Variants in IL15RA observed in about 807,000 individuals in gnomAD.
IL15RA encodes interleukin-15 receptor subunit alpha.
IL15RA carries 26 observed loss-of-function variants against 24.2 expected under a neutral mutation model. The observed-to-expected ratio is 1.07, with a 90% CI of 0.79 to 1.49. IL15RA has a LOEUF of 1.49. Ranked by LOEUF, IL15RA falls within the 40% of genes most tolerant of loss-of-function variation. IL15RA has a pLI of 0.00. For synonymous variants in IL15RA, 166 were observed against 157.6 expected (o/e 1.05, Z -0.40); for missense variants, 354 against 356.4 (o/e 0.99, Z 0.05).
chr10:5,955,536 T>C lies in IL15RA; in HGVS notation c.692+843A>G, dbSNP rs1453349955. Among the ~76,000 whole-genome samples, 2 of 152,112 alleles carry C rather than the reference T, an allele frequency of 1.3e-5. No homozygotes were observed. Among genetic ancestry groups the C allele is most frequent in the Non-Finnish European group, 2.9e-5 (2 of 68,024 alleles). On this transcript the variant is annotated intron_variant, in intron 6 of 6. Transcript: ENST00000379977. This position sits in a 1 kb window ranked among gnomAD's most constrained non-coding sequence, Gnocchi z 5.3. ...TGCTGGAATACTGGTTACTAATTGA[T>C]AGAAGTACAAAATGAAGGCTAGAAT...
rs1467354854 is a variant in IL15RA, at chr10:5,959,324, G to A, written c.616+430C>T. Among the ~76,000 whole-genome samples, 2 of 152,034 alleles carry A rather than the reference G, an allele frequency of 1.3e-5. No individual in the cohort carries two copies. The highest frequency in any genetic ancestry group is 2.4e-5 in the African/African-American group (1 of 41,398). On this transcript the variant is annotated intron_variant, in intron 5 of 6. Transcript: ENST00000379977. The surrounding 1 kb of genome is among the most constrained non-coding windows in gnomAD (Gnocchi z 4.1). Reference sequence around the variant, plus strand: ...CTGGCCAAGAGTAGCATTTTATACCGAAAATGTGGACAGCTTCTCTGTTAA... The same window carrying A: ...CTGGCCAAGAGTAGCATTTTATACCAAAAATGTGGACAGCTTCTCTGTTAA...
chr10:5,970,347 C>G lies in IL15RA; in HGVS notation c.89-4008G>C, dbSNP rs925869435. ...GTTTTGCTTTGACATATGTTATACC[C>G]CATGACACATTGTTATTATTTTGCT... On this transcript the variant is annotated intron_variant, in intron 1 of 6. Coordinates refer to ENST00000379977, the MANE Select transcript of IL15RA (RefSeq NM_002189.4). This position sits in a 1 kb window ranked among gnomAD's most constrained non-coding sequence, Gnocchi z 4.1. 6.6e-6 allele frequency among the ~76,000 whole-genome samples: 1 copy of G among 152,194 alleles called. No homozygotes were observed. The highest frequency in any genetic ancestry group is 6.5e-5 in the Admixed American group (1 of 15,274).
At chr10:5,954,746 A>G (rs1303764875) in intron 6 of IL15RA, among the ~76,000 whole-genome samples, 1 of 152,250 alleles carries the variant, frequency 6.6e-6, no homozygotes, top group African/African-American at 2.4e-5. Context: ...AAATATATTC[A>G]GTGAATATAT....
At position 5,953,323 on chromosome 10, in the gene IL15RA, G is replaced by A. The variant is rs1245581967; in HGVS notation, c.693-117C>T. 1 of 776,708 alleles carries A rather than the reference G, an allele frequency of 1.3e-6. No individual in the cohort carries two copies. The highest frequency in any genetic ancestry group is 1.7e-5 in the African/African-American group (1 of 58,724). 48.1% of individuals were successfully genotyped at this position (776,708 alleles called of 1,614,324 possible). ...TGCGGGGATGGCAGGAGCAGACAGA[G>A]GCCCTGCCACGGGAGTCAGACAGAG... On this transcript the variant is annotated intron_variant, in intron 6 of 6. Coordinates refer to ENST00000379977, the MANE Select transcript of IL15RA (RefSeq NM_002189.4). The surrounding 1 kb of genome is among the most constrained non-coding windows in gnomAD (Gnocchi z 5.3).
chr10:5,948,990 T>C (rs925944887), downstream of IL15RA: 2 of 315,872 alleles, frequency 6.3e-6, no homozygotes, highest in Admixed American at 7.7e-5. Context: ...GACAAGGAAG[T>C]ATAAATGCAT....
Position 5,963,702 on chromosome 10 carries a change from G to T in IL15RA, c.382+41C>A, listed in dbSNP as rs557382162. The T allele has an allele frequency of 3.6e-5, 48 of 1,323,298 alleles. 1 individual carries two copies. The South Asian group carries it at 6.4e-4, about 18-fold the overall frequency. The allele number at this position is 1,323,298 out of a possible 1,614,324, so 82.0% of individuals were successfully genotyped here. A position where few individuals can be genotyped will look rare whatever the true frequency, so the allele number is the denominator to read the frequency against. ...TTGGTGAGCGGGCCTCTGGGTGTTGGGAGGGAATGAATGTCCTCGAGAAGT... is the reference window on the plus strand; with the variant it reads ...TTGGTGAGCGGGCCTCTGGGTGTTGTGAGGGAATGAATGTCCTCGAGAAGT... On this transcript the variant is annotated intron_variant, in intron 3 of 6. Transcript: ENST00000379977. The surrounding 1 kb of genome is among the most constrained non-coding windows in gnomAD (Gnocchi z 5.3).
intron 1 of IL15RA, chr10:5,976,972 T>G: frequency 6.3e-6 from 1 of 158,188 alleles, no homozygotes; most frequent in Non-Finnish European, 1.4e-5. Flanking sequence ...TCGGGAGGAG[T>G]AGTTTCTCCC....
intron 1 of IL15RA, among the ~76,000 whole-genome samples, chr10:5,969,213 G>GT (rs1017288386): frequency 7.0e-4 from 105 of 150,028 alleles, no homozygotes; most frequent in Middle Eastern, 3.4e-3. Context: ...ATCCTTTACT[G>GT]TTTTTTTGTT....
rs1836278058 is a variant in IL15RA at position 5,965,068 on chromosome 10, C to A, written c.283+1077G>T. ...GCTGCAGAGGGCGTGAGCTATGGGGCCGCTCCATGCAGGGGCGCGCTCATC... is the reference window on the plus strand; with the variant it reads ...GCTGCAGAGGGCGTGAGCTATGGGGACGCTCCATGCAGGGGCGCGCTCATC... On this transcript the variant is annotated intron_variant, in intron 2 of 6. Coordinates refer to ENST00000379977, the MANE Select transcript of IL15RA (RefSeq NM_002189.4). The surrounding 1 kb of genome is among the most constrained non-coding windows in gnomAD (Gnocchi z 5.8). 6.6e-6 allele frequency among the ~76,000 whole-genome samples: 1 copy of A among 152,202 alleles called. No individual in the cohort carries two copies. Among genetic ancestry groups the A allele is most frequent in the Non-Finnish European group, 1.5e-5 (1 of 68,030 alleles).
rs764671610 is a variant in IL15RA, at chr10:5,966,217, T to C, written c.211A>G (p.Ser71Gly). 6.2e-7 allele frequency: 1 copy of C among 1,614,178 alleles called. No homozygotes were observed. The highest frequency in any genetic ancestry group is 8.5e-7 in the Non-Finnish European group (1 of 1,179,998). The change falls in exon 2 of 7, where the codon AGC becomes GGC. Residue 71 changes from serine (S) to glycine (G), a missense_variant. Coordinates refer to ENST00000379977, the MANE Select transcript of IL15RA (RefSeq NM_002189.4). This position sits in a 1 kb window ranked among gnomAD's most constrained non-coding sequence, Gnocchi z 6.4. ...TTGTTCAACACGCACTCCGTCAGGCTGGACGTGCCGGCTTTACGCTTGAAA... is the reference window on the plus strand; with the variant it reads ...TTGTTCAACACGCACTCCGTCAGGCCGGACGTGCCGGCTTTACGCTTGAAA... Reference protein sequence around the residue: ...SGFKRKAGTSSLTECVLNKAT... With the variant: ...SGFKRKAGTSGLTECVLNKAT...
rs145057728 is a variant in IL15RA at position 5,968,220 on chromosome 10, G to A, written c.89-1881C>T. Among the ~76,000 whole-genome samples the A allele has an allele frequency of 5.6e-3, 855 of 152,236 alleles. 4 individuals carry two copies. The highest frequency in any genetic ancestry group is 0.02 in the African/African-American group (831 of 41,536). Reference sequence around the variant, plus strand: ...TAACTGGGCAAAGGACACAGTGGGTGAGTCACAAGAGAGCCATCACCTAAG... The same window carrying A: ...TAACTGGGCAAAGGACACAGTGGGTAAGTCACAAGAGAGCCATCACCTAAG... On this transcript the variant is annotated intron_variant, in intron 1 of 6. Transcript: ENST00000379977. The surrounding 1 kb of genome is among the most constrained non-coding windows in gnomAD (Gnocchi z 5.4).
Position 5,965,015 on chromosome 10 carries a change from C to T in IL15RA, c.283+1130G>A, listed in dbSNP as rs145681914. Among the ~76,000 whole-genome samples the T allele has an allele frequency of 8.5e-5, 13 of 152,298 alleles. No homozygotes were observed. The East Asian group carries it at 2.1e-3, about 25-fold the overall frequency. On this transcript the variant is annotated intron_variant, in intron 2 of 6. Transcript: ENST00000379977. This position sits in a 1 kb window ranked among gnomAD's most constrained non-coding sequence, Gnocchi z 5.8. ...CTACCAAGCCAGTGGCAATGTCCAG[C>T]GCCTCAAGGAGCTCCCCTCTGTCCC...
At chr10:5,951,033 C>T (rs547690533), downstream of IL15RA, among the ~76,000 whole-genome samples, 8 of 147,244 alleles carry the variant, frequency 5.4e-5, no homozygotes, top group African/African-American at 7.5e-5. Flanking sequence ...CCCAGCTACT[C>T]GGGAAGGCTG....
In IL15RA at chr10:5,963,639, T is replaced by A. The variant is rs185645379; in HGVS notation, c.382+104A>T. The A allele has an allele frequency of 4.9e-5, 29 of 594,442 alleles. No individual in the cohort carries two copies. The Admixed American group carries it at 6.2e-4, about 13-fold the overall frequency. The allele number at this position is 594,442 out of a possible 1,614,324, so 36.8% of individuals were successfully genotyped here. A position where few individuals can be genotyped will look rare whatever the true frequency, so the allele number is the denominator to read the frequency against. Reference sequence around the variant, plus strand: ...AGACGTTTGCGCTATTGCCTAAGTCTGCAGTGGCACACCACAGAGGTCCGT... The same window carrying A: ...AGACGTTTGCGCTATTGCCTAAGTCAGCAGTGGCACACCACAGAGGTCCGT... On this transcript the variant is annotated intron_variant, in intron 3 of 6. Coordinates refer to ENST00000379977, the MANE Select transcript of IL15RA (RefSeq NM_002189.4). This position sits in a 1 kb window ranked among gnomAD's most constrained non-coding sequence, Gnocchi z 5.3.
rs780177636 is a variant in IL15RA at position 5,956,420 on chromosome 10, C to T, written c.651G>A (p.Gly217=). The T allele has an allele frequency of 6.5e-5, 105 of 1,613,932 alleles. No homozygotes were observed. The highest frequency in any genetic ancestry group is 6.2e-5 in the Non-Finnish European group (73 of 1,179,960). Reference sequence around the variant, plus strand: ...ATGCCAGGAGAGACACAGCGCTCAGCCCACACAGCAGGACAGTGGACGTGG... The same window carrying T: ...ATGCCAGGAGAGACACAGCGCTCAGTCCACACAGCAGGACAGTGGACGTGG... ...AISTSTVLLC[G]LSAVSLLACY... Residue 217 remains glycine, a synonymous_variant, in exon 6 of 7, where the codon GGG becomes GGA. Coordinates refer to ENST00000379977, the MANE Select transcript of IL15RA (RefSeq NM_002189.4).
At position 5,965,965 on chromosome 10, in the gene IL15RA, C is replaced by T. The variant is rs8177778; in HGVS notation, c.283+180G>A. Among the ~76,000 whole-genome samples, 4,880 of 152,240 alleles carry T rather than the reference C, an allele frequency of 0.032. 105 individuals are homozygous for T. Among genetic ancestry groups the T allele is most frequent in the Middle Eastern group, 0.058 (17 of 294 alleles). On this transcript the variant is annotated intron_variant, in intron 2 of 6. Coordinates refer to ENST00000379977, the MANE Select transcript of IL15RA (RefSeq NM_002189.4). The surrounding 1 kb of genome is among the most constrained non-coding windows in gnomAD (Gnocchi z 5.8). ...GGAACTCCTGACTTCAAGTGATCCT[C>T]CCGCCTCGGCCTCCCAAAGTGCTGG...
Position 5,961,818 on chromosome 10 carries a change from C to T in IL15RA, c.383-1251G>A, listed in dbSNP as rs1308411462. On this transcript the variant is annotated intron_variant, in intron 3 of 6. Coordinates refer to ENST00000379977, the MANE Select transcript of IL15RA (RefSeq NM_002189.4). The surrounding 1 kb of genome is among the most constrained non-coding windows in gnomAD (Gnocchi z 5.2). ...AGGCCAAGCGCTGTGGCTCTCTGGA[C>T]GCACTGTTGTTGCCGCGTTCCCATG... Among the ~76,000 whole-genome samples the T allele has an allele frequency of 5.9e-5, 9 of 152,226 alleles. No homozygotes were observed. The highest frequency in any genetic ancestry group is 1.0e-4 in the Non-Finnish European group (7 of 68,040).
chr10:5,969,752 T>TG (rs1837284829), intron 1 of IL15RA, among the ~76,000 whole-genome samples: 1 of 152,222 alleles, frequency 6.6e-6, no homozygotes, highest in African/African-American at 2.4e-5. Flanking sequence ...AAGATCAGTT[T>TG]GGGGAAGAAT....
At position 5,975,364 on chromosome 10, in the gene IL15RA, T is replaced by TA. The variant is rs1486845166; in HGVS notation, c.88+2040dup. 6.6e-6 allele frequency among the ~76,000 whole-genome samples: 1 copy of TA among 152,090 alleles called. No homozygotes were observed. The highest frequency in any genetic ancestry group is 1.5e-5 in the Non-Finnish European group (1 of 68,024). On this transcript the variant is annotated intron_variant, in intron 1 of 6. Coordinates refer to ENST00000379977, the MANE Select transcript of IL15RA (RefSeq NM_002189.4). This position sits in a 1 kb window ranked among gnomAD's most constrained non-coding sequence, Gnocchi z 4.8. Reference sequence around the variant, plus strand: ...AGTTCCTACCGTGTAATTCTATTTATAAAAAATTTTAGAAAGTGCATCAAA... The same window carrying TA: ...AGTTCCTACCGTGTAATTCTATTTATAAAAAAATTTTAGAAAGTGCATCAAA...
Sources: gnomAD v4.1 joint callset for allele counts (sites outside exome capture counted in the v4.1 genomes callset) on GRCh38, gnomAD v4.1.1 for gene constraint, Gnocchi (gnomAD v3.1) non-coding constraint, MANE v1.5 for transcripts, NCBI Gene and HGNC (gene_info 2026-07-23, HGNC 2026-07-21) for gene names.